The following PTPDC1 variants were observed in gnomAD, a reference collection of about 807,000 sequenced individuals.
PTPDC1 encodes the protein protein tyrosine phosphatase domain containing 1, also known as protein tyrosine phosphatase domain-containing protein 1.
PTPDC1 carries 53 observed loss-of-function variants against 75.3 expected under a neutral mutation model. The ratio of observed to expected loss-of-function variants is 0.70; its 90% CI spans 0.56 to 0.88. The LOEUF (loss-of-function observed/expected upper bound fraction) is 0.88, where lower values mean the gene tolerates loss of function less well. PTPDC1 is among the 40% of genes least tolerant of loss of function. The pLI, the probability that PTPDC1 is intolerant of heterozygous loss-of-function variation, is 0.00. For missense variants in PTPDC1, 925 were observed against 998.6 expected, an observed-to-expected ratio of 0.93 and a Z score of 0.99; for synonymous variants, 349 against 366.2, an observed-to-expected ratio of 0.95 and a Z score of 0.54.
intron 6 of PTPDC1, chr9:94,100,422 A>G (rs944021452): frequency 3.3e-5 from 5 of 152,220 alleles, no homozygotes; most frequent in African/African-American, 4.8e-5. Flanking sequence ...TACATGATCT[A>G]TGGGATATGA....
chr9:94,092,632 G>A (rs1246664834), intron 4 of PTPDC1, among the ~76,000 whole-genome samples: 2 of 151,326 alleles, frequency 1.3e-5, no homozygotes, highest in Non-Finnish European at 2.9e-5. Context: ...CAATTCCTGG[G>A]TATCCTTGTT....
intron 1 of PTPDC1, among the ~76,000 whole-genome samples, chr9:94,046,041 C>T (rs896101484): frequency 2.0e-5 from 3 of 152,144 alleles, no homozygotes; most frequent in African/African-American, 7.2e-5. Flanking sequence ...AGGAAGGGAT[C>T]CAGTTTCAGC....
chr9:94,050,802 C>T (rs1825764232), intron 1 of PTPDC1, among the ~76,000 whole-genome samples: 1 of 152,210 alleles, frequency 6.6e-6, no homozygotes, highest in South Asian at 2.1e-4. Flanking sequence ...CTATGCCCTG[C>T]CCCCAGAGGT....
chr9:94,078,110 G>T (rs1277636053), intron 2 of PTPDC1, among the ~76,000 whole-genome samples: 1 of 152,180 alleles, frequency 6.6e-6, no homozygotes, highest in Non-Finnish European at 1.5e-5. Context: ...TAATTTGCCA[G>T]TGTCCTTTCT....
At chr9:94,105,858 A>G (rs1828003073) in intron 8 of PTPDC1, among the ~76,000 whole-genome samples, 1 of 151,670 alleles carries the variant, frequency 6.6e-6, no homozygotes, top group African/African-American at 2.4e-5. Flanking sequence ...CTGTAGTCCC[A>G]GCTACTCGGG....
intron 1 of PTPDC1, among the ~76,000 whole-genome samples, chr9:94,063,630 CT>C (rs1826210693): frequency 6.6e-6 from 1 of 151,992 alleles, no homozygotes; most frequent in African/African-American, 2.4e-5. Context: ...AAATTTTGTA[CT>C]TTTTTGAGCG....
intron 2 of PTPDC1, among the ~76,000 whole-genome samples, chr9:94,067,417 T>A (rs949491717): frequency 6.6e-5 from 10 of 151,732 alleles, no homozygotes; most frequent in African/African-American, 2.4e-4. Flanking sequence ...ATAATAATAA[T>A]AAACCACATT....
chr9:94,098,693 A>G (rs1024364141), intron 6 of PTPDC1, 114 bp downstream of exon 6: 1 of 916,134 alleles, frequency 1.1e-6, no homozygotes, highest in Middle Eastern at 2.2e-4. Flanking sequence ...ATACGTTTGC[A>G]TAATACTTTC....
intron 1 of PTPDC1, among the ~76,000 whole-genome samples, chr9:94,058,473 C>T (rs1247900972): frequency 3.3e-5 from 5 of 151,132 alleles, no homozygotes; most frequent in Admixed American, 6.6e-5. Context: ...CTGAGGCGGG[C>T]GGATCACTTG....
At chr9:94,064,955 C>A in intron 2 of PTPDC1, 1 of 650,646 alleles carries the variant, frequency 1.5e-6, no homozygotes, top group Non-Finnish European at 2.6e-6. Flanking sequence ...TTACTTACTG[C>A]CTTACCATCT....
At chr9:94,055,324 A>G (rs1048289740) in intron 1 of PTPDC1, among the ~76,000 whole-genome samples, 1 of 152,186 alleles carries the variant, frequency 6.6e-6, no homozygotes, top group African/African-American at 2.4e-5. Flanking sequence ...TTACTATATA[A>G]TCAGCAGTTG....
intron 1 of PTPDC1, among the ~76,000 whole-genome samples, chr9:94,050,641 G>A (rs977505923): frequency 6.6e-6 from 1 of 152,234 alleles, no homozygotes; most frequent in South Asian, 2.1e-4. Context: ...GTGCCTCCCA[G>A]TTAGGCTACT....
At chr9:94,091,978 T>C (rs1450470348) in intron 4 of PTPDC1, among the ~76,000 whole-genome samples, 3 of 150,186 alleles carry the variant, frequency 2.0e-5, no homozygotes, top group Non-Finnish European at 4.4e-5. Context: ...CTCTCTTTTT[T>C]TCTTTATTAG....
chr9:94,032,148 G>A (rs982472550), intron 1 of PTPDC1, among the ~76,000 whole-genome samples: 2 of 152,140 alleles, frequency 1.3e-5, no homozygotes, highest in African/African-American at 4.8e-5. Context: ...AAGTCTATGT[G>A]GCTCCAAAAC....
At chr9:94,089,984 T>C (rs1827246337) in intron 4 of PTPDC1, among the ~76,000 whole-genome samples, 1 of 122,652 alleles carries the variant, frequency 8.2e-6, no homozygotes, top group Non-Finnish European at 1.6e-5. Context: ...TATTAGCCCT[T>C]TGTCAGATGA....
In PTPDC1 at chr9:94,046,953, G is replaced by A. The variant is rs1163997482; in HGVS notation, c.-7+15826G>A. Reference sequence around the variant, plus strand: ...TTCAAAGGGAATGCTTCCAGTTTTTGCCCATTCAGTATGATATTGGCTGTG... The same window carrying A: ...TTCAAAGGGAATGCTTCCAGTTTTTACCCATTCAGTATGATATTGGCTGTG... On this transcript the variant is annotated intron_variant, in intron 1 of 9. Coordinates refer to the PTPDC1 transcript ENST00000375360. 2.0e-5 allele frequency among the ~76,000 whole-genome samples: 3 copies of A among 152,160 alleles called. No individual in the cohort carries two copies. The East Asian group carries it at 5.8e-4, about 29-fold the overall frequency.
At chr9:94,057,818 T>G (rs971769283) in intron 1 of PTPDC1, among the ~76,000 whole-genome samples, 2 of 152,236 alleles carry the variant, frequency 1.3e-5, no homozygotes, top group African/African-American at 4.8e-5. Context: ...TAATGCATAT[T>G]AGGCACTATT....
intron 1 of PTPDC1, among the ~76,000 whole-genome samples, chr9:94,046,023 A>C (rs935111215): frequency 2.0e-5 from 3 of 152,172 alleles, no homozygotes; most frequent in African/African-American, 7.2e-5. Flanking sequence ...ATTTTTGTAT[A>C]AGTTGTAAGG....
At chr9:94,069,292 C>T (rs992097392) in intron 2 of PTPDC1, among the ~76,000 whole-genome samples, 6 of 152,164 alleles carry the variant, frequency 3.9e-5, no homozygotes, top group African/African-American at 9.7e-5. Context: ...CTCCCACCCC[C>T]GGTATACCAA....
Sources: allele counts gnomAD v4.1 joint callset (sites outside exome capture counted in the v4.1 genomes callset), GRCh38; gene constraint gnomAD v4.1.1; transcripts MANE v1.5; gene names NCBI Gene and HGNC (gene_info 2026-07-23, HGNC 2026-07-21).